FAM204A: variants seen among roughly 807,000 people sequenced by gnomAD.
The protein encoded by FAM204A is family with sequence similarity 204 member A.
In FAM204A, 16 loss-of-function variants were observed where a neutral mutation model predicts 35.4. The observed-to-expected ratio is 0.45, with a 90% CI of 0.31 to 0.69. The LOEUF is 0.69. Among genes scored for constraint, FAM204A ranks in the 30% least tolerant of loss-of-function variants. The pLI, the probability that FAM204A is intolerant of heterozygous loss-of-function variation, is 0.07. For missense variants in FAM204A, 240 were observed against 265.7 expected (o/e 0.90, Z 0.67); for synonymous variants, 76 against 86.9 (o/e 0.88, Z 0.70).
intron 6 of FAM204A, among the ~76,000 whole-genome samples, chr10:118,331,843 T>TTATATATATATATATATATA (rs55733401): frequency 7.0e-6 from 1 of 142,432 alleles, no homozygotes; most frequent in African/African-American, 2.6e-5. Flanking sequence ...TTTGTTACCT[T>TTATATATATATATATATATA]TATATATATA....
rs548795817 is a variant in FAM204A, at chr10:118,298,972, A to C, written c.*11885T>G. ...ATGGACTAATGGTTGCCTAGCAACCACTAGACATTGTTTTGCTGCTTCACT... is the reference window on the plus strand; with the variant it reads ...ATGGACTAATGGTTGCCTAGCAACCCCTAGACATTGTTTTGCTGCTTCACT... On this transcript the variant is annotated 3_prime_UTR_variant, in exon 9 of 9. Transcript: ENST00000369183. The C allele has an allele frequency of 4.6e-5, 7 of 152,376 alleles. No individual in the cohort carries two copies. The East Asian group carries it at 1.3e-3, about 29-fold the overall frequency. 9.4% of individuals were successfully genotyped at this position (152,376 alleles called of 1,614,324 possible).
chr10:118,319,497 T>A (rs1846079361), intron 7 of FAM204A, among the ~76,000 whole-genome samples: 1 of 152,014 alleles, frequency 6.6e-6, no homozygotes, highest in African/African-American at 2.4e-5. Flanking sequence ...ATTCTGCCAA[T>A]ACAACACTTA....
chr10:118,332,087 G>C (rs1846297948), intron 6 of FAM204A, among the ~76,000 whole-genome samples: 1 of 140,312 alleles, frequency 7.1e-6, no homozygotes. Context: ...TAGAAGAATG[G>C]TTTGCACCTG....
intron 7 of FAM204A, among the ~76,000 whole-genome samples, chr10:118,315,848 T>C (rs1160353494): frequency 6.6e-6 from 1 of 152,146 alleles, no homozygotes; most frequent in Non-Finnish European, 1.5e-5. Flanking sequence ...TTCATTCTTA[T>C]CAGAACAAAG....
At chr10:118,329,698 CAG>C (rs1449995006) in intron 6 of FAM204A, among the ~76,000 whole-genome samples, 1 of 152,144 alleles carries the variant, frequency 6.6e-6, no homozygotes, top group African/African-American at 2.4e-5. Flanking sequence ...GTCCTATACT[CAG>C]TGAGAGCAGG....
intron 7 of FAM204A, among the ~76,000 whole-genome samples, chr10:118,314,772 C>T (rs1846005901): frequency 6.6e-6 from 1 of 152,062 alleles, no homozygotes; most frequent in South Asian, 2.1e-4. Flanking sequence ...TACAAAATTT[C>T]TTGTATGTGT....
intron 7 of FAM204A, among the ~76,000 whole-genome samples, chr10:118,324,933 T>C (rs1381801924): frequency 1.3e-5 from 2 of 152,132 alleles, no homozygotes; most frequent in African/African-American, 2.4e-5. Flanking sequence ...TCTTGGCTAT[T>C]TCCCTAAATG....
Position 118,301,590 on chromosome 10 carries a change from T to C in FAM204A, c.*9267A>G, listed in dbSNP as rs1845808543. On this transcript the variant is annotated 3_prime_UTR_variant, in exon 9 of 9. Coordinates refer to ENST00000369183, the MANE Select transcript of FAM204A (RefSeq NM_022063.3). ...TTATATACAAACATCCTTGCAAAGA[T>C]AGTTTGGAACAAAAGGGTACTTAGT... 6.6e-6 allele frequency: 1 copy of C among 152,182 alleles called. No individual in the cohort carries two copies. 9.4% of individuals were successfully genotyped at this position (152,182 alleles called of 1,614,324 possible).
chr10:118,321,724 C>CAAAAAAAAAAAAAAAAA (rs200200755), intron 7 of FAM204A, among the ~76,000 whole-genome samples: 12 of 87,276 alleles, frequency 1.4e-4, no homozygotes, highest in East Asian at 4.0e-4. Flanking sequence ...TATGACAAAG[C>CAAAAAAAAAAAAAAAAA]AAAAAAAAAA....
rs1363354102 is a variant in FAM204A at position 118,309,168 on chromosome 10, T to C, written c.*1689A>G. 1 of 152,194 alleles carries C rather than the reference T, an allele frequency of 6.6e-6. No individual in the cohort carries two copies. Among genetic ancestry groups the C allele is most frequent in the Admixed American group, 6.5e-5 (1 of 15,282 alleles). The allele number at this position is 152,194 out of a possible 1,614,324, so 9.4% of individuals were successfully genotyped here. Reference sequence around the variant, plus strand: ...GAACAAGGGATATTAAATCATAAAATAAGACTTTCCAACATTTGGTCTGGA... The same window carrying C: ...GAACAAGGGATATTAAATCATAAAACAAGACTTTCCAACATTTGGTCTGGA... On this transcript the variant is annotated 3_prime_UTR_variant, in exon 9 of 9. Coordinates refer to ENST00000369183, the MANE Select transcript of FAM204A (RefSeq NM_022063.3).
chr10:118,326,473 C>A, intron 6 of FAM204A: 3 of 467,242 alleles, frequency 6.4e-6, no homozygotes, highest in Non-Finnish European at 7.5e-6. Context: ...AGACGCAAAT[C>A]CAGATTTTTG....
Position 118,310,842 on chromosome 10 carries a change from A to T in FAM204A, c.*15T>A, listed in dbSNP as rs777920805. On this transcript the variant is annotated 3_prime_UTR_variant, in exon 9 of 9. Transcript: ENST00000369183. ...AGCATTTGAGTCTACAAATGTCTTG[A>T]AGCACTCTGGCAAGTTACATGTATC... 6.3e-7 allele frequency: 1 copy of T among 1,594,008 alleles called. No individual in the cohort carries two copies. The highest frequency in any genetic ancestry group is 8.5e-7 in the Non-Finnish European group (1 of 1,172,708).
At chr10:118,337,284 T>C (rs1256264070) in intron 2 of FAM204A, 3 of 977,598 alleles carry the variant, frequency 3.1e-6, no homozygotes, top group Non-Finnish European at 3.6e-6. Flanking sequence ...CAAAACCAGT[T>C]CCTTCAAAAG....
Position 118,300,984 on chromosome 10 carries a change from A to G in FAM204A, c.*9873T>C, listed in dbSNP as rs750746804. On this transcript the variant is annotated 3_prime_UTR_variant, in exon 9 of 9. Transcript: ENST00000369183. ...AGCATTATTAACAACAGCACTTTAC[A>G]AATAGAAATTTGTTGAGGCTCAGAG... 1 of 152,224 alleles carries G rather than the reference A, an allele frequency of 6.6e-6. No individual in the cohort carries two copies. The highest frequency in any genetic ancestry group is 2.4e-5 in the African/African-American group (1 of 41,458). 9.4% of individuals were successfully genotyped at this position (152,224 alleles called of 1,614,324 possible).
In FAM204A at chr10:118,307,570, G is replaced by A. The variant is rs774808720; in HGVS notation, c.*3287C>T. On this transcript the variant is annotated 3_prime_UTR_variant, in exon 9 of 9. Transcript: ENST00000369183. ...ACTTTATCATCTCTTAAAAAATAAT[G>A]TACAACTCTCATTTTGTTTAAACAA... The A allele has an allele frequency of 1.3e-5, 2 of 152,088 alleles. No individual in the cohort carries two copies. Among genetic ancestry groups the A allele is most frequent in the Non-Finnish European group, 2.9e-5 (2 of 68,020 alleles). 9.4% of individuals were successfully genotyped at this position (152,088 alleles called of 1,614,324 possible).
In FAM204A at chr10:118,326,361, A is replaced by G. The variant is rs77810405; in HGVS notation, c.454-118T>C. On this transcript the variant is annotated intron_variant, in intron 6 of 8. Transcript: ENST00000369183. ...CACAAGTAGACCATTAATTCTCACA[A>G]TAACACCAGAAGGTAGCTGCTACCA... 138 of 836,374 alleles carry G rather than the reference A, an allele frequency of 1.6e-4. No individual in the cohort carries two copies. In the East Asian group the frequency reaches 2.9e-3, roughly 18 times the overall value. The allele number at this position is 836,374 out of a possible 1,614,324, so 51.8% of individuals were successfully genotyped here.
chr10:118,341,632 A>G (rs995427899), intron 2 of FAM204A, 95 bp downstream of exon 2: 5 of 152,170 alleles, frequency 3.3e-5, no homozygotes, highest in Admixed American at 6.5e-5. Flanking sequence ...CCTGGAAAAC[A>G]TTTTCCCAGA....
intron 3 of FAM204A, 21 bp from the exon 4 acceptor site, chr10:118,335,662 T>C (rs759398586): frequency 3.9e-6 from 6 of 1,523,440 alleles, no homozygotes; most frequent in South Asian, 2.4e-5. Flanking sequence ...GAAAAAAAAA[T>C]TGAGAAGCAA....
At chr10:118,326,785 C>A (rs979829676) in intron 6 of FAM204A, among the ~76,000 whole-genome samples, 3 of 152,160 alleles carry the variant, frequency 2.0e-5, no homozygotes, top group Non-Finnish European at 4.4e-5. Context: ...CCTTTTCTTA[C>A]TGCCCATTCC....
Sources: allele counts gnomAD v4.1 joint callset (sites outside exome capture counted in the v4.1 genomes callset), GRCh38; gene constraint gnomAD v4.1.1; transcripts MANE v1.5; gene names NCBI Gene and HGNC (gene_info 2026-07-23, HGNC 2026-07-21).